Variants in SPMAP2L observed in about 807,000 individuals in gnomAD.
SPMAP2L encodes sperm microtubule associated protein 2 like, also known as sperm microtubule associated protein 2-like.
the SPMAP2L span, among the ~76,000 whole-genome samples, chr4:56,615,625 G>A: frequency 4.6e-5 from 7 of 152,232 alleles, no homozygotes; most frequent in African/African-American, 1.4e-4. Flanking sequence ...GCGAGTGCCC[G>A]TAATCCCAGC....
the SPMAP2L span, among the ~76,000 whole-genome samples, chr4:56,539,313 C>T: frequency 6.6e-6 from 1 of 152,186 alleles, no homozygotes. Flanking sequence ...AATATATCTA[C>T]AACAATAACA....
chr4:56,594,265 G>A, the SPMAP2L span: 78 of 1,576,532 alleles, frequency 4.9e-5, no homozygotes, highest in Non-Finnish European at 5.8e-5. Flanking sequence ...ATATTGTCCG[G>A]TATATGAAGA....
chr4:56,603,431 C>T, the SPMAP2L span: 8 of 719,214 alleles, frequency 1.1e-5, no homozygotes, highest in East Asian at 1.1e-4. Flanking sequence ...CCTTGCTTCC[C>T]CTCCCACAAA....
chr4:56,624,559 G>A, the SPMAP2L span, among the ~76,000 whole-genome samples: 2 of 152,162 alleles, frequency 1.3e-5, no homozygotes, highest in African/African-American at 4.8e-5. Flanking sequence ...CAGGCCCAGG[G>A]TCCCCATGCT....
the SPMAP2L span, among the ~76,000 whole-genome samples, chr4:56,583,338 C>A: frequency 6.6e-6 from 1 of 151,630 alleles, no homozygotes; most frequent in African/African-American, 2.4e-5. Context: ...GATCCAAATC[C>A]ATAGAGACTG....
the SPMAP2L span, among the ~76,000 whole-genome samples, chr4:56,567,946 C>G: frequency 0.11 from 17,307 of 152,004 alleles, 1,090 homozygotes; most frequent in East Asian, 0.21. Context: ...TCTGCTCCTC[C>G]TTCTTTGCGG....
the SPMAP2L span, among the ~76,000 whole-genome samples, chr4:56,579,851 A>G: frequency 6.6e-6 from 1 of 152,236 alleles, no homozygotes; most frequent in Non-Finnish European, 1.5e-5. Flanking sequence ...AAATGGACAA[A>G]TTATTATAAA....
At chr4:56,600,793 A>G in the SPMAP2L span, 1 of 798,094 alleles carries the variant, frequency 1.3e-6, no homozygotes, top group Admixed American at 2.9e-5. Flanking sequence ...AGGAGCAAGG[A>G]TGGAAGCAGA....
the SPMAP2L span, chr4:56,594,069 C>T: frequency 1.9e-6 from 3 of 1,609,986 alleles, no homozygotes; most frequent in Non-Finnish European, 2.5e-6. Flanking sequence ...CTTGGTATTT[C>T]TCTTGATGAA....
chr4:56,593,559 T>A, the SPMAP2L span: 1 of 1,601,766 alleles, frequency 6.2e-7, no homozygotes, highest in Non-Finnish European at 8.6e-7. Context: ...GCTTTGTGCA[T>A]CTTGAGGCCA....
At chr4:56,558,061 C>G in the SPMAP2L span, among the ~76,000 whole-genome samples, 1 of 152,032 alleles carries the variant, frequency 6.6e-6, no homozygotes, top group Non-Finnish European at 1.5e-5. Context: ...CTCCACCTCC[C>G]AGTTCCAAGT....
At chr4:56,568,965 C>A in the SPMAP2L span, among the ~76,000 whole-genome samples, 2 of 152,170 alleles carry the variant, frequency 1.3e-5, no homozygotes, top group Non-Finnish European at 2.9e-5. Flanking sequence ...TTTCAAGATT[C>A]ATCTGTGTTG....
the SPMAP2L span, chr4:56,531,138 C>T: frequency 4.6e-6 from 7 of 1,534,394 alleles, no homozygotes; most frequent in Admixed American, 9.8e-5. Flanking sequence ...TCACCAGAGC[C>T]CCGCCACGGC....
At chr4:56,623,379 C>CA in the SPMAP2L span, among the ~76,000 whole-genome samples, 2 of 152,034 alleles carry the variant, frequency 1.3e-5, no homozygotes, top group Non-Finnish European at 2.9e-5. Context: ...GAACAAGGAG[C>CA]AAAAAAACAC....
the SPMAP2L span, among the ~76,000 whole-genome samples, chr4:56,558,619 C>G: frequency 6.6e-6 from 1 of 151,676 alleles, no homozygotes; most frequent in East Asian, 1.9e-4. Context: ...GGATGCAAAC[C>G]CAGTATATAT....
the SPMAP2L span, among the ~76,000 whole-genome samples, chr4:56,580,897 A>T: frequency 1.3e-5 from 2 of 152,202 alleles, no homozygotes; most frequent in Non-Finnish European, 2.9e-5. Context: ...AAAAAGAACA[A>T]AATTATACAT....
the SPMAP2L span, among the ~76,000 whole-genome samples, chr4:56,587,806 G>C: frequency 6.6e-6 from 1 of 152,094 alleles, no homozygotes; most frequent in Non-Finnish European, 1.5e-5. Flanking sequence ...TTTCAAATAA[G>C]GGCTTCTTTT....
At chr4:56,593,772 C>A in the SPMAP2L span, 2 of 1,580,486 alleles carry the variant, frequency 1.3e-6, no homozygotes, top group Non-Finnish European at 1.7e-6. Flanking sequence ...GAGCAACACA[C>A]TGAGAGAGAC....
the SPMAP2L span, among the ~76,000 whole-genome samples, chr4:56,547,468 A>T: frequency 6.6e-6 from 1 of 151,522 alleles, no homozygotes. Flanking sequence ...CTGATCTCGA[A>T]CTCCTGACCT....
Sources: allele counts gnomAD v4.1 joint callset (sites outside exome capture counted in the v4.1 genomes callset), GRCh38; gene constraint gnomAD v4.1.1; transcripts MANE v1.5; gene names NCBI Gene and HGNC (gene_info 2026-07-23, HGNC 2026-07-21).